DROSHA: variants seen among roughly 807,000 people sequenced by gnomAD.
DROSHA encodes drosha ribonuclease III.
Under a neutral mutation model 181.9 loss-of-function variants are expected in DROSHA, and 56 were observed. The observed-to-expected ratio is 0.31, with a 90% CI of 0.25 to 0.38. DROSHA has a LOEUF of 0.38. Among genes scored for constraint, DROSHA ranks in the 10% least tolerant of loss-of-function variants. The pLI is 1.00. For synonymous variants in DROSHA, 524 were observed against 591.2 expected (o/e 0.89, Z 1.65); for missense variants, 1,218 against 1,743.5 (o/e 0.70, Z 5.37).
intron 20 of DROSHA, chr5:31,463,965 T>C: frequency 2.5e-6 from 1 of 395,150 alleles, no homozygotes; most frequent in Non-Finnish European, 4.6e-6. Flanking sequence ...AGACTTACCT[T>C]TATCCAAAGA....
Position 31,502,197 on chromosome 5 carries a change from A to G in DROSHA, c.1668+2358T>C, listed in dbSNP as rs1753644448. On this transcript the variant is annotated intron_variant, in intron 11 of 35. Transcript: ENST00000344624. ...ACAAACAGCATCAACAGCTGCCCGC[A>G]CTGAGGACAGCCCATGTGAGAAATG... 2.6e-5 allele frequency among the ~76,000 whole-genome samples: 4 copies of G among 152,330 alleles called. No individual in the cohort carries two copies. In the South Asian group the frequency reaches 8.3e-4, roughly 32 times the overall value.
intron 20 of DROSHA, among the ~76,000 whole-genome samples, chr5:31,453,801 A>G (rs1747315098): frequency 6.6e-6 from 1 of 152,148 alleles, no homozygotes; most frequent in Non-Finnish European, 1.5e-5. Context: ...AATCCCAGAC[A>G]TCAAGTCTCA....
chr5:31,492,106 T>C (rs1752493743), intron 13 of DROSHA, among the ~76,000 whole-genome samples: 1 of 152,238 alleles, frequency 6.6e-6, no homozygotes, highest in African/African-American at 2.4e-5. Context: ...TATTATTGCT[T>C]TTCTACATTA....
intron 13 of DROSHA, among the ~76,000 whole-genome samples, chr5:31,492,009 G>A (rs1475977675): frequency 6.6e-6 from 1 of 152,140 alleles, no homozygotes; most frequent in African/African-American, 2.4e-5. Context: ...GGCCAAGCTG[G>A]TCTTGAACTC....
intron 4 of DROSHA, among the ~76,000 whole-genome samples, chr5:31,528,520 T>C (rs17409588): frequency 0.26 from 39,383 of 152,072 alleles, 5,517 homozygotes; most frequent in South Asian, 0.36. Flanking sequence ...TACTTTAAAA[T>C]TGCTGTCACT....
At chr5:31,467,429 A>C (rs997545643) in intron 18 of DROSHA, 1 of 152,218 alleles carries the variant, frequency 6.6e-6, no homozygotes, top group African/African-American at 2.4e-5. Context: ...CTAACATGCC[A>C]GTTGGAAAAA....
chr5:31,495,240 C>G (rs1036470989), intron 12 of DROSHA, 46 bp downstream of exon 12: 10 of 1,566,640 alleles, frequency 6.4e-6, no homozygotes, highest in African/African-American at 1.4e-5. Flanking sequence ...ACATTTTACT[C>G]TATTTACATT....
intron 13 of DROSHA, among the ~76,000 whole-genome samples, chr5:31,487,642 CA>C (rs1434338742): frequency 3.9e-5 from 6 of 152,060 alleles, no homozygotes; most frequent in African/African-American, 1.4e-4. Flanking sequence ...CAGAAAGAAA[CA>C]AATTTTAATT....
At chr5:31,509,594 C>T (rs932190118) in intron 9 of DROSHA, among the ~76,000 whole-genome samples, 4 of 152,142 alleles carry the variant, frequency 2.6e-5, no homozygotes, top group African/African-American at 9.7e-5. Flanking sequence ...AGCTAGAGCG[C>T]GGGCCACACG....
At chr5:31,437,997 G>A (rs536581769) in intron 23 of DROSHA, among the ~76,000 whole-genome samples, 75 of 152,252 alleles carry the variant, frequency 4.9e-4, no homozygotes, top group African/African-American at 1.6e-3. Flanking sequence ...AGCCCTGCCC[G>A]ATGCCCCTCA....
chr5:31,506,051 A>G (rs1199026410), intron 10 of DROSHA, among the ~76,000 whole-genome samples: 1 of 152,214 alleles, frequency 6.6e-6, no homozygotes, highest in Non-Finnish European at 1.5e-5. Flanking sequence ...TAAGAGACGT[A>G]ACAGGATTTC....
chr5:31,480,187 T>TATATATATATATATATATATATATAC, intron 16 of DROSHA, among the ~76,000 whole-genome samples: 1 of 63,562 alleles, frequency 1.6e-5, no homozygotes, highest in Non-Finnish European at 3.4e-5. Flanking sequence ...AGTATATATA[T>TATATATATATATATATATATATATAC]ATATATATAT....
intron 11 of DROSHA, among the ~76,000 whole-genome samples, chr5:31,502,675 C>T (rs1737425069): frequency 6.6e-6 from 1 of 152,240 alleles, no homozygotes; most frequent in Non-Finnish European, 1.5e-5. Context: ...TGCACCAGCT[C>T]CCCTCCCTCA....
At chr5:31,507,638 A>C (rs1210292274) in intron 10 of DROSHA, among the ~76,000 whole-genome samples, 1 of 152,022 alleles carries the variant, frequency 6.6e-6, no homozygotes, top group Non-Finnish European at 1.5e-5. Context: ...AAAACAAAAA[A>C]ACCCATATAT....
intron 33 of DROSHA, among the ~76,000 whole-genome samples, chr5:31,407,316 A>C (rs1561110740): frequency 6.6e-6 from 1 of 152,238 alleles, no homozygotes; most frequent in Non-Finnish European, 1.5e-5. Context: ...TTTCAGTGCT[A>C]ATCACAGCCT....
chr5:31,442,844 A>C (rs1215029203), intron 23 of DROSHA, among the ~76,000 whole-genome samples: 2 of 152,016 alleles, frequency 1.3e-5, no homozygotes, highest in Admixed American at 6.6e-5. Context: ...CAGGCCACAG[A>C]CCCAGGAGAT....
At chr5:31,474,241 T>A (rs1750103206) in intron 16 of DROSHA, among the ~76,000 whole-genome samples, 1 of 152,142 alleles carries the variant, frequency 6.6e-6, no homozygotes, top group African/African-American at 2.4e-5. Context: ...TAGCAGTGAC[T>A]TTTTTTTATG....
intron 14 of DROSHA, among the ~76,000 whole-genome samples, chr5:31,485,329 A>G (rs367602999): frequency 1.3e-5 from 1 of 74,726 alleles, no homozygotes; most frequent in Admixed American, 1.3e-4. Context: ...CTTGTCCCCC[A>G]CCCCCGCCCC....
chr5:31,517,898 C>G (rs1033564400), intron 6 of DROSHA, among the ~76,000 whole-genome samples: 1 of 151,920 alleles, frequency 6.6e-6, no homozygotes, highest in African/African-American at 2.4e-5. Context: ...AGATCCCCAT[C>G]TCTTTTTACA....
Sources: gnomAD v4.1 joint callset for allele counts (sites outside exome capture counted in the v4.1 genomes callset) on GRCh38, gnomAD v4.1.1 for gene constraint, MANE v1.5 for transcripts, NCBI Gene and HGNC (gene_info 2026-07-23, HGNC 2026-07-21) for gene names.